The following CCDC180 variants were observed in gnomAD, a reference collection of about 807,000 sequenced individuals.
The protein encoded by CCDC180 is coiled-coil domain-containing protein 180.
In CCDC180, 154 loss-of-function variants were observed where a neutral mutation model predicts 209.2. That is an observed-to-expected ratio of 0.74 (90% CI 0.65 to 0.84). The LOEUF (loss-of-function observed/expected upper bound fraction) is 0.84. Ranked by LOEUF, CCDC180 falls within the 40% of genes least tolerant of loss-of-function variation. The pLI, the probability that CCDC180 is intolerant of heterozygous loss-of-function variation, is 0.00. For missense variants in CCDC180, 1,874 were observed against 1,997.3 expected, an observed-to-expected ratio of 0.94 and a Z score of 1.18; for synonymous variants, 778 against 749.1, an observed-to-expected ratio of 1.04 and a Z score of -0.63.
At chr9:97,364,476 C>G (rs1337654028) in intron 29 of CCDC180, 2 of 271,638 alleles carry the variant, frequency 7.4e-6, no homozygotes, top group Admixed American at 1.2e-4. Flanking sequence ...AAAACAAAAG[C>G]TGTTCAACTT....
intron 24 of CCDC180, among the ~76,000 whole-genome samples, chr9:97,356,652 A>ATAT (rs1564170610): frequency 6.6e-6 from 1 of 152,194 alleles, no homozygotes; most frequent in African/African-American, 2.4e-5. Context: ...TTTGAGGAGT[A>ATAT]TATTCCTAAT....
At position 97,325,003 on chromosome 9, in the gene CCDC180, G is replaced by A; in HGVS notation, c.1372-16G>A. The A allele has an allele frequency of 6.2e-7, 1 of 1,610,546 alleles. No homozygotes were observed. On this transcript the variant is annotated splice_polypyrimidine_tract_variant and intron_variant, in intron 13 of 36. Transcript: ENST00000529487. ...TGTCAGCCCTTAAGTCCCTTCTCTG[G>A]GCTCTGCCACTGCAGAAATCCTTCG...
rs377353619 is a variant in CCDC180 at position 97,318,527 on chromosome 9, C to T, written c.1024C>T (p.Leu342=). The change falls in exon 10 of 37, where the codon CTG becomes TTG. Residue 342 remains leucine, a synonymous_variant. Coordinates refer to ENST00000529487, the MANE Select transcript of CCDC180 (RefSeq NM_020893.6). ...PAVTKELEVM[L]KTQNVLQQRR... The stretch of plus-strand genomic sequence containing the variant: ...TGTGACGAAGGAGCTAGAGGTCATG[C>T]TGAAGACCCAGAACGTCCTGCAGCA... The T allele has an allele frequency of 1.8e-4, 285 of 1,613,782 alleles. 3 individuals are homozygous for T. In the South Asian group the frequency reaches 2.9e-3, roughly 17 times the overall value.
In CCDC180 at chr9:97,330,518, A is replaced by G. The variant is rs138459823; in HGVS notation, c.2025A>G (p.Lys675=). Residue 675 remains lysine (K), a synonymous_variant, in exon 18 of 37, where the codon AAA becomes AAG. Coordinates refer to ENST00000529487, the MANE Select transcript of CCDC180 (RefSeq NM_020893.6). ...ITEEVLGQQK[K]SPLHAKMDES... ...AAGAGGTGCTGGGGCAGCAGAAAAA[A>G]TCTCCACTGCATGCTAAGATGGATG... 1.5e-4 allele frequency: 244 copies of G among 1,613,980 alleles called. No individual in the cohort carries two copies. Among genetic ancestry groups the G allele is most frequent in the Non-Finnish European group, 1.9e-4 (229 of 1,180,030 alleles).
intron 18 of CCDC180, among the ~76,000 whole-genome samples, chr9:97,342,051 A>C (rs1417979677): frequency 1.3e-5 from 2 of 152,192 alleles, no homozygotes; most frequent in African/African-American, 4.8e-5. Context: ...TTTAGGTGGC[A>C]GTGTTCTGAT....
chr9:97,346,880 A>C (rs756951578), intron 19 of CCDC180, among the ~76,000 whole-genome samples: 1 of 152,226 alleles, frequency 6.6e-6, no homozygotes, highest in Non-Finnish European at 1.5e-5. Flanking sequence ...CCCAGCCTAA[A>C]TAATCTTAAG....
rs527643742 is a variant in CCDC180, at chr9:97,318,091, A to G, written c.960-372A>G. Among the ~76,000 whole-genome samples the G allele has an allele frequency of 1.2e-4, 19 of 152,266 alleles. No individual in the cohort carries two copies. In the South Asian group the frequency reaches 3.9e-3, roughly 32 times the overall value. On this transcript the variant is annotated intron_variant, in intron 9 of 36. Coordinates refer to ENST00000529487, the MANE Select transcript of CCDC180 (RefSeq NM_020893.6). ...AAGGCACTATCATGAGTTCCATTTTACAGAAGAAGAAACTGAGGTTCAGAG... is the reference window on the plus strand; with the variant it reads ...AAGGCACTATCATGAGTTCCATTTTGCAGAAGAAGAAACTGAGGTTCAGAG...
rs1827312403 is a variant in CCDC180 at position 97,378,524 on chromosome 9, C to T, written c.*1630C>T. 6.6e-6 allele frequency: 1 copy of T among 151,484 alleles called. No individual in the cohort carries two copies. The highest frequency in any genetic ancestry group is 1.5e-5 in the Non-Finnish European group (1 of 67,932). 9.4% of individuals were successfully genotyped at this position (151,484 alleles called of 1,614,324 possible). A position where few individuals can be genotyped will look rare whatever the true frequency, so the allele number is the denominator to read the frequency against. ...AAGGCTGCTTTCTAATATTTTCTCC[C>T]TGCTTTTTAAATCCTAGCCCAGTCC... On this transcript the variant is annotated 3_prime_UTR_variant, in exon 37 of 37. Transcript: ENST00000529487.
At chr9:97,367,527 C>T (rs946645476) in intron 31 of CCDC180, among the ~76,000 whole-genome samples, 2 of 150,518 alleles carry the variant, frequency 1.3e-5, no homozygotes, top group African/African-American at 4.9e-5. Context: ...AGTGCAGTGG[C>T]ACGATCCGCA....
At chr9:97,363,746 G>A in intron 28 of CCDC180, 1 of 524,344 alleles carries the variant, frequency 1.9e-6, no homozygotes. Context: ...TTTTTCTTTG[G>A]GTCCTCATCA....
intron 14 of CCDC180, 149 bp downstream of exon 14, chr9:97,325,341 T>G (rs1833498511): frequency 9.2e-5 from 70 of 758,488 alleles, no homozygotes; most frequent in Non-Finnish European, 1.2e-4. Context: ...CAGATGGGAG[T>G]AGCAGAAATC....
intron 16 of CCDC180, among the ~76,000 whole-genome samples, chr9:97,328,686 A>G (rs1825638020): frequency 6.6e-6 from 1 of 151,784 alleles, no homozygotes; most frequent in Non-Finnish European, 1.5e-5. Flanking sequence ...AAACCCACCC[A>G]TACCTCCAAT....
chr9:97,348,823 A>G (rs750021313), intron 20 of CCDC180, among the ~76,000 whole-genome samples: 4 of 152,064 alleles, frequency 2.6e-5, no homozygotes, highest in Non-Finnish European at 5.9e-5. Flanking sequence ...CCCCCTGCCC[A>G]TCCTGCCTGC....
intron 18 of CCDC180, among the ~76,000 whole-genome samples, chr9:97,336,234 G>T (rs1825900457): frequency 6.6e-6 from 1 of 152,164 alleles, no homozygotes; most frequent in Admixed American, 6.5e-5. Flanking sequence ...TGAAGTCCTT[G>T]CCCATGCCTA....
At position 97,307,781 on chromosome 9, in the gene CCDC180, C is replaced by G. The variant is rs140624448; in HGVS notation, c.-107C>G. ...ATGCGCGGCGGGGAGAACCGGCCTC[C>G]TGCTCGAGTTCAGAGCTCATCTGAG... is the stretch of plus-strand genomic sequence containing the variant. On this transcript the variant is annotated 5_prime_UTR_variant, in exon 1 of 37. Transcript: ENST00000529487. 5 of 1,614,224 alleles carry G rather than the reference C, an allele frequency of 3.1e-6. No homozygotes were observed. The African/African-American group carries it at 5.3e-5, about 17-fold the overall frequency.
At position 97,330,598 on chromosome 9, in the gene CCDC180, G is replaced by T. The variant is rs1825709855; in HGVS notation, c.2105G>T (p.Gly702Val). Residue 702 changes from glycine to valine, a missense_variant, in exon 18 of 37, where the codon GGC (glycine) becomes GTC (valine). Transcript: ENST00000529487. Reference sequence around the variant, plus strand: ...GAAGAAATGCAGGTTGAAAGAGAGGGCTCCTTAAACCCATCCCTGAATGAG... The same window carrying T: ...GAAGAAATGCAGGTTGAAAGAGAGGTCTCCTTAAACCCATCCCTGAATGAG... ...GLEEMQVERE[G>V]SLNPSLNEEN... The T allele has an allele frequency of 6.2e-7, 1 of 1,614,058 alleles. No individual in the cohort carries two copies.
chr9:97,330,442 T>C lies in CCDC180; in HGVS notation c.1949T>C (p.Val650Ala). ...ISSGTSTARS[V>A]EEVEEENDQE... ...AGTGGGACAAGTACTGCCAGGTCAG[T>C]AGAAGAGGTGGAAGAAGAAAACGAT... The change falls in exon 18 of 37, where the codon GTA (valine) becomes GCA (alanine). Residue 650 changes from valine (V) to alanine (A), a missense_variant. Transcript: ENST00000529487. 6.2e-7 allele frequency: 1 copy of C among 1,614,042 alleles called. No homozygotes were observed. Among genetic ancestry groups the C allele is most frequent in the South Asian group, 1.1e-5 (1 of 91,074 alleles).
At chr9:97,369,482 G>A (rs1827017889) in intron 31 of CCDC180, 1 of 155,254 alleles carries the variant, frequency 6.4e-6, no homozygotes, top group Non-Finnish European at 1.4e-5. Flanking sequence ...ATGTTAGAAA[G>A]AGGGTCTTGC....
rs576585501 is a variant in CCDC180, at chr9:97,359,927, C to G, written c.3364-55C>G. 8 of 1,602,826 alleles carry G rather than the reference C, an allele frequency of 5.0e-6. No homozygotes were observed. The East Asian group carries it at 1.3e-4, about 27-fold the overall frequency. The stretch of plus-strand genomic sequence containing the variant: ...GTTCCCGCACTTCCCACAGAATCTA[C>G]CCACCCTCCTGCAGTCTGCTTCCTT... On this transcript the variant is annotated intron_variant, in intron 25 of 36. Coordinates refer to ENST00000529487, the MANE Select transcript of CCDC180 (RefSeq NM_020893.6).
Sources: gnomAD v4.1 joint callset for allele counts (sites outside exome capture counted in the v4.1 genomes callset) on GRCh38, gnomAD v4.1.1 for gene constraint, MANE v1.5 for transcripts, NCBI Gene and HGNC (gene_info 2026-07-23, HGNC 2026-07-21) for gene names.